The following ZMYND8 variants were observed in gnomAD, a reference collection of about 807,000 sequenced individuals.
ZMYND8 encodes the protein MYND-type zinc finger-containing chromatin reader ZMYND8.
In ZMYND8, 37 loss-of-function variants were observed where a neutral mutation model predicts 140.8. That is an observed-to-expected ratio of 0.26 (90% confidence interval 0.20 to 0.35). ZMYND8 has a LOEUF of 0.35. ZMYND8 is among the 10% of genes least tolerant of loss of function. The pLI is 1.00. For missense variants in ZMYND8, 1,068 were observed against 1,570.0 expected (o/e 0.68, Z 5.40); for synonymous variants, 592 against 597.1 (o/e 0.99, Z 0.12).
chr20:47,221,224 C>T (rs904985439), intron 20 of ZMYND8, 90 bp downstream of exon 20: 17 of 1,524,270 alleles, frequency 1.1e-5, no homozygotes, highest in East Asian at 2.3e-5. Flanking sequence ...TCCCACAACA[C>T]GGAACTTTCA....
chr20:47,311,054 T>C (rs1025746698), intron 2 of ZMYND8, among the ~76,000 whole-genome samples: 32 of 152,172 alleles, frequency 2.1e-4, no homozygotes, highest in Admixed American at 2.0e-3. Flanking sequence ...AGGAAGGCCA[T>C]ACTTCAAGGA....
chr20:47,301,831 G>T (rs942964999), intron 3 of ZMYND8, among the ~76,000 whole-genome samples: 3 of 152,104 alleles, frequency 2.0e-5, no homozygotes, highest in African/African-American at 7.2e-5. Flanking sequence ...ATCTTGAATT[G>T]TAATTCCCAT....
intron 10 of ZMYND8, among the ~76,000 whole-genome samples, chr20:47,280,304 C>CTGAGA (rs772298668): frequency 7.2e-5 from 11 of 152,144 alleles, no homozygotes; most frequent in Non-Finnish European, 1.5e-4. Context: ...AAAGCAGGTG[C>CTGAGA]TGAGAGGGGC....
intron 2 of ZMYND8, among the ~76,000 whole-genome samples, chr20:47,341,526 C>CAAA (rs112093006): frequency 1.1e-4 from 6 of 56,280 alleles, no homozygotes; most frequent in Admixed American, 2.2e-4. Flanking sequence ...GACTCCATCT[C>CAAA]AAAAAAAAAA....
At chr20:47,305,500 C>T (rs2078410883) in intron 3 of ZMYND8, among the ~76,000 whole-genome samples, 1 of 150,508 alleles carries the variant, frequency 6.6e-6, no homozygotes, top group African/African-American at 2.5e-5. Context: ...CTTAGCCTCC[C>T]AAAGTGCTAG....
chr20:47,222,605 C>CA (rs940967490), intron 19 of ZMYND8, among the ~76,000 whole-genome samples: 6 of 151,810 alleles, frequency 4.0e-5, no homozygotes, highest in Admixed American at 3.9e-4. Context: ...AATTATGTCA[C>CA]AAAAAAAGGA....
chr20:47,291,927 T>C, intron 5 of ZMYND8, 39 bp from the exon 6 acceptor site: 2 of 1,556,208 alleles, frequency 1.3e-6, no homozygotes, highest in South Asian at 1.2e-5. Flanking sequence ...GAACCCATCA[T>C]TACTATGGAA....
In ZMYND8 at chr20:47,310,190, C is replaced by T; in HGVS notation, c.100G>A (p.Glu34Lys). 6.2e-7 allele frequency: 1 copy of T among 1,606,764 alleles called. No individual in the cohort carries two copies. Among genetic ancestry groups the T allele is most frequent in the Non-Finnish European group, 8.5e-7 (1 of 1,178,278 alleles). ...STRSKDPGSA[E>K]RTAQKRKFPS... ...AACTTTCTTTTCTGGGCTGTTCTCT[C>T]TGCAGAGCCAGGATCTGAAAGAGAT... The change falls in exon 3 of 23, where the codon GAG becomes AAG. Residue 34 changes from glutamate (E) to lysine (K), a missense_variant. Glu to Lys is a moderately conservative substitution (Grantham distance 56). Coordinates refer to ENST00000471951, the MANE Select transcript of ZMYND8 (RefSeq NM_001281775.3).
chr20:47,230,500 G>A (rs1341251131), intron 16 of ZMYND8, among the ~76,000 whole-genome samples: 1 of 151,888 alleles, frequency 6.6e-6, no homozygotes, highest in Non-Finnish European at 1.5e-5. Context: ...CACCATGTTG[G>A]TCAGGCTGGT....
intron 2 of ZMYND8, among the ~76,000 whole-genome samples, chr20:47,341,041 G>C (rs2081832527): frequency 6.6e-6 from 1 of 152,174 alleles, no homozygotes; most frequent in Non-Finnish European, 1.5e-5. Flanking sequence ...TAAACAAACG[G>C]TGGACAGTAG....
At chr20:47,307,842 A>T (rs748359294) in intron 3 of ZMYND8, among the ~76,000 whole-genome samples, 1 of 151,740 alleles carries the variant, frequency 6.6e-6, no homozygotes, top group African/African-American at 2.4e-5. Context: ...AAATAAGGCC[A>T]GGCGCGGTGG....
chr20:47,239,289 T>A, intron 14 of ZMYND8, 151 bp from the exon 15 acceptor site: 2 of 1,073,718 alleles, frequency 1.9e-6, no homozygotes, highest in Non-Finnish European at 2.5e-6. Flanking sequence ...GCTGGAGGAG[T>A]ACATTCTCAC....
chr20:47,296,556 C>G (rs1052212527), intron 4 of ZMYND8, among the ~76,000 whole-genome samples: 3 of 152,178 alleles, frequency 2.0e-5, no homozygotes, highest in African/African-American at 7.2e-5. Context: ...TGGAAAGAGT[C>G]TGGCTCTGAA....
chr20:47,270,716 A>C (rs73130961), intron 11 of ZMYND8, among the ~76,000 whole-genome samples: 1 of 139,340 alleles, frequency 7.2e-6, no homozygotes, highest in East Asian at 2.1e-4. Flanking sequence ...AAAAAAAAAA[A>C]AAAGAAAGAA....
intron 14 of ZMYND8, among the ~76,000 whole-genome samples, chr20:47,242,069 G>A (rs1601174266): frequency 1.3e-5 from 2 of 152,136 alleles, no homozygotes; most frequent in Non-Finnish European, 2.9e-5. Context: ...CACCCGCCTC[G>A]GCCTCCCAAA....
Position 47,298,525 on chromosome 20 carries a change from C to G in ZMYND8, c.453+204G>C, listed in dbSNP as rs1036926928. 3.0e-6 allele frequency: 3 copies of G among 985,286 alleles called. No individual in the cohort carries two copies. In the African/African-American group the frequency reaches 5.2e-5, roughly 17 times the overall value. 61.0% of individuals were successfully genotyped at this position (985,286 alleles called of 1,614,324 possible). ...CTCATGAGAAATCAGAAATAATATT[C>G]CGTGCAATTGTCTTTCCAAGAGCTG... is the stretch of plus-strand genomic sequence containing the variant. On this transcript the variant is annotated intron_variant, in intron 4 of 22. Coordinates refer to ENST00000471951, the MANE Select transcript of ZMYND8 (RefSeq NM_001281775.3). The surrounding 1 kb of genome is among the most constrained non-coding windows in gnomAD (Gnocchi z 5.0).
At chr20:47,320,952 C>T (rs577791037) in intron 2 of ZMYND8, among the ~76,000 whole-genome samples, 24 of 152,218 alleles carry the variant, frequency 1.6e-4, no homozygotes, top group Non-Finnish European at 2.8e-4. Flanking sequence ...TCTGCATAGA[C>T]GGGCATGGTC....
At chr20:47,266,712 T>C (rs945603703) in intron 11 of ZMYND8, among the ~76,000 whole-genome samples, 6 of 152,124 alleles carry the variant, frequency 3.9e-5, no homozygotes, top group Non-Finnish European at 8.8e-5. Flanking sequence ...ATCACCCTAG[T>C]CCATGCATCT....
chr20:47,256,946 CAAAGT>C (rs1397780872), intron 12 of ZMYND8, among the ~76,000 whole-genome samples: 1 of 151,974 alleles, frequency 6.6e-6, no homozygotes, highest in Non-Finnish European at 1.5e-5. Context: ...TTCTTCAGCT[CAAAGT>C]AAACACCCTC....
Sources: gnomAD v4.1 joint callset for allele counts (sites outside exome capture counted in the v4.1 genomes callset) on GRCh38, gnomAD v4.1.1 for gene constraint, Gnocchi (gnomAD v3.1) non-coding constraint, MANE v1.5 for transcripts, NCBI Gene and HGNC (gene_info 2026-07-23, HGNC 2026-07-21) for gene names.